RBFOX1: variants seen among roughly 807,000 people sequenced by gnomAD.
The protein encoded by RBFOX1 is RNA binding fox-1 homolog 1, also known as RNA binding protein fox-1 homolog 1.
Under a neutral mutation model 57.7 loss-of-function variants are expected in RBFOX1, and 8 were observed. That is an observed-to-expected ratio of 0.14 (90% CI 0.08 to 0.25). RBFOX1 has a LOEUF of 0.25. Ranked by LOEUF, RBFOX1 falls within the 10% of genes least tolerant of loss-of-function variation. The probability of loss-of-function intolerance (pLI) is 1.00; values close to 1 mark genes in which losing one functional copy is unlikely to be tolerated. For synonymous variants in RBFOX1, 326 were observed against 222.4 expected (o/e 1.47, Z -4.15); for missense variants, 611 against 548.5 (o/e 1.11, Z -1.14).
intron 4 of RBFOX1, among the ~76,000 whole-genome samples, chr16:7,159,760 C>T (rs1451475537): frequency 6.6e-6 from 1 of 152,164 alleles, no homozygotes; most frequent in Non-Finnish European, 1.5e-5. Context: ...TGTCTTTCCT[C>T]CCTCCCATCA....
At chr16:6,718,368 G>T (rs1458073063) in intron 3 of RBFOX1, among the ~76,000 whole-genome samples, 1 of 152,150 alleles carries the variant, frequency 6.6e-6, no homozygotes, top group Non-Finnish European at 1.5e-5. Context: ...TAGATGATAA[G>T]GAAGTAACTC....
intron 3 of RBFOX1, among the ~76,000 whole-genome samples, chr16:5,844,820 G>A (rs1471525762): frequency 2.0e-5 from 3 of 152,102 alleles, no homozygotes; most frequent in Non-Finnish European, 4.4e-5. Flanking sequence ...ACACAAAGGC[G>A]GTTTCCCTTA....
At chr16:7,652,734 C>T (rs1173842686) in intron 11 of RBFOX1, among the ~76,000 whole-genome samples, 2 of 152,150 alleles carry the variant, frequency 1.3e-5, no homozygotes, top group Non-Finnish European at 2.9e-5. Context: ...GGGTCGGGGT[C>T]CCAGACTTAT....
chr16:6,336,190 T>TC (rs2083717678), intron 2 of RBFOX1, among the ~76,000 whole-genome samples: 2 of 61,444 alleles, frequency 3.3e-5, no homozygotes, highest in Non-Finnish European at 5.8e-5. Context: ...TATTTTTTTT[T>TC]TTTTTTTTTT....
chr16:7,208,007 C>G (rs902863511), intron 4 of RBFOX1, among the ~76,000 whole-genome samples: 1 of 152,130 alleles, frequency 6.6e-6, no homozygotes. Context: ...TTTTCCATCA[C>G]TCACTGAAAC....
At chr16:6,538,374 C>T (rs2096763836) in intron 2 of RBFOX1, among the ~76,000 whole-genome samples, 1 of 152,084 alleles carries the variant, frequency 6.6e-6, no homozygotes, top group African/African-American at 2.4e-5. Flanking sequence ...CATCTGTGGT[C>T]CCAGCTACTT....
intron 4 of RBFOX1, among the ~76,000 whole-genome samples, chr16:7,307,257 T>A (rs2096211775): frequency 6.6e-6 from 1 of 152,346 alleles, no homozygotes; most frequent in Middle Eastern, 3.4e-3. Context: ...ATATGGTTAT[T>A]TCTTATCCAA....
rs868237978 is a variant in RBFOX1, at chr16:7,054,202, A to T, written c.27+2104A>T. The stretch of plus-strand genomic sequence containing the variant: ...AAAGAAAACTTCCCTTATTAAGGTG[A>T]TTTTTTTTTTCGGGGGGGGGGGGCG... On this transcript the variant is annotated intron_variant, in intron 4 of 15. Coordinates refer to ENST00000550418, the MANE Select transcript of RBFOX1 (RefSeq NM_018723.4). 9.6e-3 allele frequency among the ~76,000 whole-genome samples: 485 copies of T among 50,728 alleles called. 6 individuals carry two copies. Among genetic ancestry groups the T allele is most frequent in the African/African-American group, 0.046 (454 of 9,774 alleles). 33.3% of individuals were successfully genotyped at this position (50,728 alleles called of 152,430 possible). A position where few individuals can be genotyped will look rare whatever the true frequency, so the allele number is the denominator to read the frequency against.
rs1052033192 is a variant in RBFOX1 at position 7,301,764 on chromosome 16, G to A, written c.28-216383G>A. On this transcript the variant is annotated intron_variant, in intron 4 of 15. Transcript: ENST00000550418. Reference sequence around the variant, plus strand: ...GCAAGAGAAAAAAAAATAAAGGAAAGCAGTGCGAACCCGTCCGTACAGCAG... The same window carrying A: ...GCAAGAGAAAAAAAAATAAAGGAAAACAGTGCGAACCCGTCCGTACAGCAG... Among the ~76,000 whole-genome samples, 17 of 152,250 alleles carry A rather than the reference G, an allele frequency of 1.1e-4. No individual in the cohort carries two copies. In the Middle Eastern group the frequency reaches 0.01, roughly 91 times the overall value.
intron 2 of RBFOX1, among the ~76,000 whole-genome samples, chr16:6,529,568 A>C (rs867997892): frequency 1.1e-5 from 1 of 91,426 alleles, no homozygotes. Flanking sequence ...TAATAATAAT[A>C]ATTATTATTA....
intron 1 of RBFOX1, among the ~76,000 whole-genome samples, chr16:6,100,901 A>G (rs1310403256): frequency 6.6e-6 from 1 of 152,156 alleles, no homozygotes; most frequent in Non-Finnish European, 1.5e-5. Flanking sequence ...TCTGAGATGA[A>G]GAGTTTCAGA....
intron 4 of RBFOX1, among the ~76,000 whole-genome samples, chr16:7,138,663 T>A (rs1485781917): frequency 6.6e-6 from 1 of 152,166 alleles, no homozygotes; most frequent in East Asian, 1.9e-4. Context: ...GTGAAGGGGA[T>A]GGGGAGGACC....
At chr16:5,991,293 A>C (rs767866321) in intron 4 of RBFOX1, among the ~76,000 whole-genome samples, 2 of 152,174 alleles carry the variant, frequency 1.3e-5, no homozygotes, top group African/African-American at 4.8e-5. Flanking sequence ...CCATGATTTT[A>C]ATATACGTCT....
chr16:7,180,119 C>G (rs77043330), intron 4 of RBFOX1, among the ~76,000 whole-genome samples: 8,499 of 152,202 alleles, frequency 0.056, 327 homozygotes, highest in Non-Finnish European at 0.083. Context: ...GCCCTGATAT[C>G]CATGGTGAAT....
chr16:5,290,540 T>G (rs1190346125), intron 1 of RBFOX1, among the ~76,000 whole-genome samples: 2 of 152,184 alleles, frequency 1.3e-5, no homozygotes, highest in Non-Finnish European at 2.9e-5. Flanking sequence ...ATACGGTACC[T>G]GAATTATATT....
chr16:6,789,619 A>G (rs150081064), intron 3 of RBFOX1, among the ~76,000 whole-genome samples: 1 of 152,208 alleles, frequency 6.6e-6, no homozygotes, highest in East Asian at 1.9e-4. Context: ...CCATCTTTGC[A>G]TAAAAGGCAT....
At chr16:6,501,131 C>CTTTT (rs1003003339) in intron 2 of RBFOX1, among the ~76,000 whole-genome samples, 1,492 of 107,600 alleles carry the variant, frequency 0.014, 33 homozygotes, top group African/African-American at 0.038. Flanking sequence ...GTTAAACATT[C>CTTTT]TTTTTTTTTT....
exon 2 of RBFOX1, chr16:5,467,239 C>T (rs1052131795): frequency 6.7e-7 from 1 of 1,501,518 alleles, no homozygotes; most frequent in Non-Finnish European, 9.0e-7. Context: ...TGCCATACAG[C>T]CTGGTTGAGG....
intron 5 of RBFOX1, among the ~76,000 whole-genome samples, chr16:7,576,590 T>C (rs2093357522): frequency 6.6e-6 from 1 of 152,240 alleles, no homozygotes; most frequent in African/African-American, 2.4e-5. Flanking sequence ...TACAAAATGA[T>C]TAATTGAGCG....
Sources: gnomAD v4.1 joint callset for allele counts (sites outside exome capture counted in the v4.1 genomes callset) on GRCh38, gnomAD v4.1.1 for gene constraint, MANE v1.5 for transcripts, NCBI Gene and HGNC (gene_info 2026-07-23, HGNC 2026-07-21) for gene names.